Variants in RBBP5 observed in about 807,000 individuals in gnomAD.
RBBP5 encodes the protein RB binding protein 5, histone lysine methyltransferase complex subunit.
RBBP5 carries 5 observed loss-of-function variants against 72.2 expected under a neutral mutation model. The observed-to-expected ratio is 0.07, with a 90% CI of 0.04 to 0.15. The LOEUF (loss-of-function observed/expected upper bound fraction) is 0.15, where lower values mean the gene tolerates loss of function less well. Among genes scored for constraint, RBBP5 ranks in the 10% least tolerant of loss-of-function variants. The pLI is 1.00. For missense variants in RBBP5, 322 were observed against 652.2 expected (o/e 0.49, Z 5.51); for synonymous variants, 209 against 237.2 (o/e 0.88, Z 1.09).
intron 4 of RBBP5, 47 bp downstream of exon 4, chr1:205,104,981 C>A: frequency 6.3e-7 from 1 of 1,588,576 alleles, no homozygotes; most frequent in Non-Finnish European, 8.6e-7. Flanking sequence ...AGAGCTAATC[C>A]ATATAGAATT....
rs527937679 is a variant in RBBP5 at position 205,107,569 on chromosome 1, C to T, written c.219-2401G>A. Among the ~76,000 whole-genome samples the T allele has an allele frequency of 3.6e-4, 54 of 152,040 alleles. 1 individual carries two copies. The South Asian group carries it at 7.7e-3, about 22-fold the overall frequency. The stretch of plus-strand genomic sequence containing the variant: ...CTCTAAAGAATGGCTACATAATGTT[C>T]GGAAAAGATTAAAGGAAGGGTTTAG... On this transcript the variant is annotated intron_variant, in intron 3 of 13. Coordinates refer to ENST00000264515, the MANE Select transcript of RBBP5 (RefSeq NM_005057.4).
Position 205,100,496 on chromosome 1 carries a change from A to G in RBBP5, c.633-225T>C, listed in dbSNP as rs139172304. On this transcript the variant is annotated intron_variant, in intron 6 of 13. Coordinates refer to ENST00000264515, the MANE Select transcript of RBBP5 (RefSeq NM_005057.4). ...CCAAAATATACAAATTGTCAGCATT[A>G]ACTAAGTTCCAAGACCTCTCTACTG... is the stretch of plus-strand genomic sequence containing the variant. Among the ~76,000 whole-genome samples the G allele has an allele frequency of 1.1e-3, 165 of 152,310 alleles. 1 individual carries two copies. The highest frequency in any genetic ancestry group is 3.7e-3 in the African/African-American group (155 of 41,578).
intron 4 of RBBP5, 68 bp downstream of exon 4, chr1:205,104,960 A>T (rs1228127120): frequency 1.3e-6 from 2 of 1,530,764 alleles, no homozygotes; most frequent in African/African-American, 2.8e-5. Context: ...AACTAAAATT[A>T]TCATGAGCCC....
intron 12 of RBBP5, among the ~76,000 whole-genome samples, chr1:205,096,449 A>C (rs1242934734): frequency 1.3e-5 from 2 of 152,228 alleles, no homozygotes; most frequent in East Asian, 1.9e-4. Context: ...GCCGGCTGTC[A>C]GAAGAATTAA....
At chr1:205,113,981 G>C (rs1476563866) in intron 3 of RBBP5, among the ~76,000 whole-genome samples, 1 of 152,140 alleles carries the variant, frequency 6.6e-6, no homozygotes, top group Non-Finnish European at 1.5e-5. Flanking sequence ...CACCGCGCCT[G>C]GCCCTATTTG....
intron 4 of RBBP5, among the ~76,000 whole-genome samples, chr1:205,104,320 C>T (rs199543230): frequency 6.7e-6 from 1 of 149,470 alleles, no homozygotes; most frequent in Non-Finnish European, 1.5e-5. Context: ...GTCAGGAGTT[C>T]GAGACCAGCC....
At chr1:205,101,579 A>G in intron 6 of RBBP5, 21 bp downstream of exon 6, 1 of 1,551,880 alleles carries the variant, frequency 6.4e-7, no homozygotes, top group African/African-American at 1.4e-5. Flanking sequence ...ACTGTCCCTT[A>G]AAAGGTAAGA....
At chr1:205,113,124 GCAA>G (rs970522823) in intron 3 of RBBP5, among the ~76,000 whole-genome samples, 27 of 152,170 alleles carry the variant, frequency 1.8e-4, no homozygotes, top group African/African-American at 5.8e-4. Flanking sequence ...CCCTGTCTCA[GCAA>G]CAACAACAAA....
chr1:205,101,983 G>C (rs928060174), intron 5 of RBBP5, among the ~76,000 whole-genome samples: 10 of 147,396 alleles, frequency 6.8e-5, no homozygotes, highest in African/African-American at 2.3e-4. Flanking sequence ...TGCAACCTCT[G>C]CCTCCTGGGT....
intron 2 of RBBP5, 118 bp from the exon 3 acceptor site, chr1:205,115,079 A>G: frequency 2.2e-6 from 2 of 921,124 alleles, no homozygotes; most frequent in Non-Finnish European, 3.3e-6. Flanking sequence ...ACTGCATACC[A>G]AATAATCTCT....
chr1:205,096,583 C>T lies in RBBP5; in HGVS notation c.1396+99G>A. ...AAAACAGACTCATGGGAAAATTCCTCTAAGGTGAAATCGCTCAAACAGGAA... is the reference window on the plus strand; with the variant it reads ...AAAACAGACTCATGGGAAAATTCCTTTAAGGTGAAATCGCTCAAACAGGAA... On this transcript the variant is annotated intron_variant, in intron 12 of 13. Transcript: ENST00000264515. The T allele has an allele frequency of 2.7e-6, 3 of 1,118,402 alleles. No homozygotes were observed. The East Asian group carries it at 7.1e-5, about 26-fold the overall frequency. The allele number at this position is 1,118,402 out of a possible 1,614,324, so 69.3% of individuals were successfully genotyped here. A position where few individuals can be genotyped will look rare whatever the true frequency, so the allele number is the denominator to read the frequency against.
intron 3 of RBBP5, among the ~76,000 whole-genome samples, chr1:205,110,019 C>T (rs1336513731): frequency 1.3e-5 from 2 of 151,888 alleles, no homozygotes; most frequent in African/African-American, 4.8e-5. Flanking sequence ...TCACTACCTA[C>T]TAGTTCTGTT....
chr1:205,109,947 C>A (rs556991880), intron 3 of RBBP5, among the ~76,000 whole-genome samples: 5 of 152,080 alleles, frequency 3.3e-5, no homozygotes, highest in African/African-American at 1.2e-4. Context: ...ACCCACAGCA[C>A]CTCTGCTTGG....
intron 12 of RBBP5, among the ~76,000 whole-genome samples, chr1:205,095,381 A>G (rs1655571644): frequency 6.6e-6 from 1 of 152,054 alleles, no homozygotes; most frequent in Non-Finnish European, 1.5e-5. Flanking sequence ...TTTTTTTTGC[A>G]ATTTTTAAAA....
Position 205,114,971 on chromosome 1 carries a change from G to T in RBBP5, c.46-10C>A. 1 of 1,578,918 alleles carries T rather than the reference G, an allele frequency of 6.3e-7. No individual in the cohort carries two copies. Among genetic ancestry groups the T allele is most frequent in the Non-Finnish European group, 8.6e-7 (1 of 1,159,564 alleles). ...AAGTTCCATCAGCTTCCTAAAAATTGAAACAAATACAAGAATAGAGGCAAC... is the reference window on the plus strand; with the variant it reads ...AAGTTCCATCAGCTTCCTAAAAATTTAAACAAATACAAGAATAGAGGCAAC... On this transcript the variant is annotated splice_polypyrimidine_tract_variant and intron_variant, in intron 2 of 13. Coordinates refer to ENST00000264515, the MANE Select transcript of RBBP5 (RefSeq NM_005057.4).
At chr1:205,108,776 G>A (rs1656183331) in intron 3 of RBBP5, among the ~76,000 whole-genome samples, 1 of 152,146 alleles carries the variant, frequency 6.6e-6, no homozygotes, top group Admixed American at 6.6e-5. Flanking sequence ...CCTCCTAGCT[G>A]TGTGATCTTA....
At chr1:205,115,985 G>T (rs774873870) in intron 1 of RBBP5, 102 bp from the exon 2 acceptor site, 2 of 1,610,700 alleles carry the variant, frequency 1.2e-6, no homozygotes, top group African/African-American at 2.7e-5. Flanking sequence ...ACGAAAAGGG[G>T]GATATGATGC....
chr1:205,104,746 C>A (rs1000573918), intron 4 of RBBP5, among the ~76,000 whole-genome samples: 2 of 151,960 alleles, frequency 1.3e-5, no homozygotes, highest in Non-Finnish European at 2.9e-5. Context: ...GAGGCTGAGG[C>A]AGGAGAATCT....
At position 205,121,030 on chromosome 1, in the gene RBBP5, T is replaced by C. The variant is rs771852630; in HGVS notation, c.19+825A>G. Reference sequence around the variant, plus strand: ...GGCAAAGACCATTTTTTATGTATCTTTGTAGCCCTTTTGACAATTAACATA... The same window carrying C: ...GGCAAAGACCATTTTTTATGTATCTCTGTAGCCCTTTTGACAATTAACATA... On this transcript the variant is annotated intron_variant, in intron 1 of 13. Transcript: ENST00000264515. 7.2e-5 allele frequency among the ~76,000 whole-genome samples: 11 copies of C among 152,370 alleles called. No homozygotes were observed. In the East Asian group the frequency reaches 9.6e-4, roughly 13 times the overall value.
Sources: gnomAD v4.1 joint callset for allele counts (sites outside exome capture counted in the v4.1 genomes callset) on GRCh38, gnomAD v4.1.1 for gene constraint, MANE v1.5 for transcripts, NCBI Gene and HGNC (gene_info 2026-07-23, HGNC 2026-07-21) for gene names.